CHLSN: variants seen among roughly 807,000 people sequenced by gnomAD.
The protein encoded by CHLSN is cholesin.
the CHLSN span, among the ~76,000 whole-genome samples, chr7:986,197 C>T: frequency 6.6e-6 from 1 of 152,134 alleles, no homozygotes; most frequent in Non-Finnish European, 1.5e-5. Context: ...GGCGGGGCTG[C>T]CACAGGCAGT....
chr7:1,030,863 G>A, the CHLSN span, among the ~76,000 whole-genome samples: 1 of 152,152 alleles, frequency 6.6e-6, no homozygotes, highest in Non-Finnish European at 1.5e-5. Flanking sequence ...CCCACACCCC[G>A]GGCCCCAACA....
chr7:1,093,035 C>G, the CHLSN span: 77,740 of 720,544 alleles, frequency 0.11, 4,595 homozygotes, highest in South Asian at 0.13. Context: ...GGAAACCTCA[C>G]GACTGGTCAC....
At chr7:995,449 T>C in the CHLSN span, among the ~76,000 whole-genome samples, 2 of 152,190 alleles carry the variant, frequency 1.3e-5, no homozygotes, top group Non-Finnish European at 2.9e-5. Flanking sequence ...GACTCAGCAG[T>C]ACCCACCCCA....
At chr7:1,049,694 C>T in the CHLSN span, among the ~76,000 whole-genome samples, 1 of 152,262 alleles carries the variant, frequency 6.6e-6, no homozygotes, top group Non-Finnish European at 1.5e-5. Flanking sequence ...CCCTGTCTAA[C>T]ATTCCCTCAT....
At chr7:1,050,291 G>A in the CHLSN span, among the ~76,000 whole-genome samples, 4 of 152,348 alleles carry the variant, frequency 2.6e-5, no homozygotes, top group African/African-American at 4.8e-5. Context: ...ACACACTCAG[G>A]TTTAGATCAG....
At chr7:1,136,553 CAT>C in the CHLSN span, among the ~76,000 whole-genome samples, 72 of 103,420 alleles carry the variant, frequency 7.0e-4, no homozygotes, top group East Asian at 8.2e-3. Context: ...CATATATAAA[CAT>C]ATATAAACAT....
the CHLSN span, among the ~76,000 whole-genome samples, chr7:978,866 G>A: frequency 1.3e-5 from 2 of 152,258 alleles, no homozygotes; most frequent in Non-Finnish European, 2.9e-5. Context: ...ATTCCACGAG[G>A]CCTGGGCCGG....
chr7:1,119,738 G>A, the CHLSN span, among the ~76,000 whole-genome samples: 1 of 152,166 alleles, frequency 6.6e-6, no homozygotes, highest in African/African-American at 2.4e-5. Flanking sequence ...TTAGCTGGGC[G>A]TGGTGGCACA....
At chr7:986,740 C>G in the CHLSN span, 1 of 1,609,116 alleles carries the variant, frequency 6.2e-7, no homozygotes, top group Non-Finnish European at 8.5e-7. Flanking sequence ...GGAGGCCCCA[C>G]GTGTGCCCGG....
At chr7:999,798 A>C in the CHLSN span, among the ~76,000 whole-genome samples, 1 of 152,206 alleles carries the variant, frequency 6.6e-6, no homozygotes, top group Non-Finnish European at 1.5e-5. Flanking sequence ...GGCACTGCCC[A>C]CCGGATGCAG....
chr7:1,076,740 G>C, the CHLSN span, among the ~76,000 whole-genome samples: 1 of 152,232 alleles, frequency 6.6e-6, no homozygotes, highest in African/African-American at 2.4e-5. Context: ...GCCTTGGCCA[G>C]GACTCTTCCC....
the CHLSN span, among the ~76,000 whole-genome samples, chr7:1,052,639 G>C: frequency 1.3e-5 from 2 of 152,122 alleles, no homozygotes; most frequent in Non-Finnish European, 2.9e-5. This position sits in a 1 kb window ranked among gnomAD's most constrained non-coding sequence, Gnocchi z 4.2. Flanking sequence ...CAGTGCAAGG[G>C]TGGGGCTGGC....
At chr7:1,035,637 C>T in the CHLSN span, among the ~76,000 whole-genome samples, 2 of 152,194 alleles carry the variant, frequency 1.3e-5, no homozygotes, top group African/African-American at 4.8e-5. Context: ...ACCGACATCA[C>T]CAAATGCGGG....
the CHLSN span, chr7:996,857 T>G: frequency 3.3e-5 from 5 of 152,266 alleles, no homozygotes; most frequent in African/African-American, 1.2e-4. Flanking sequence ...CAGCACCCAC[T>G]GCCAGGAACG....
the CHLSN span, among the ~76,000 whole-genome samples, chr7:1,001,664 T>C: frequency 3.7e-5 from 3 of 80,530 alleles, no homozygotes; most frequent in East Asian, 3.9e-4. Flanking sequence ...TGGAGTCCTG[T>C]GGGTGAGTGG....
At chr7:1,023,260 T>G in the CHLSN span, among the ~76,000 whole-genome samples, 10 of 152,300 alleles carry the variant, frequency 6.6e-5, no homozygotes, top group Admixed American at 2.0e-4. This position sits in a 1 kb window ranked among gnomAD's most constrained non-coding sequence, Gnocchi z 5.0. Context: ...GCGCAAGTGA[T>G]GTGTGAGGTG....
chr7:1,049,071 C>T, the CHLSN span, among the ~76,000 whole-genome samples: 7 of 152,236 alleles, frequency 4.6e-5, no homozygotes, highest in Admixed American at 6.5e-5. Flanking sequence ...CAGGCCTCCG[C>T]GGTCTGACCC....
the CHLSN span, among the ~76,000 whole-genome samples, chr7:1,095,521 C>T: frequency 8.5e-5 from 13 of 152,352 alleles, no homozygotes; most frequent in East Asian, 1.9e-3. Flanking sequence ...CACACAGTCC[C>T]GTTCACATAG....
chr7:988,002 G>GGGGGGTCCCCTCTATGTGTCCT, the CHLSN span, among the ~76,000 whole-genome samples: 2 of 97,896 alleles, frequency 2.0e-5, no homozygotes, highest in Non-Finnish European at 4.5e-5. Flanking sequence ...TGTGTGTCCT[G>GGGGGGTCCCCTCTATGTGTCCT]GGGGGTCCCC....
Sources: gnomAD v4.1 joint callset for allele counts (sites outside exome capture counted in the v4.1 genomes callset) on GRCh38, gnomAD v4.1.1 for gene constraint, Gnocchi (gnomAD v3.1) non-coding constraint, MANE v1.5 for transcripts, NCBI Gene and HGNC (gene_info 2026-07-23, HGNC 2026-07-21) for gene names.